ZMIZ1: variants seen among roughly 807,000 people sequenced by gnomAD.
The protein encoded by ZMIZ1 is zinc finger MIZ-type containing 1.
ZMIZ1 carries 17 observed loss-of-function variants against 113.9 expected under a neutral mutation model. That is an observed-to-expected ratio of 0.15 (90% CI 0.10 to 0.22). ZMIZ1 has a LOEUF of 0.22. ZMIZ1 is among the 10% of genes least tolerant of loss of function. ZMIZ1 has a pLI of 1.00. For missense variants in ZMIZ1, 1,059 were observed against 1,477.8 expected (o/e 0.72, Z 4.65); for synonymous variants, 607 against 603.1 (o/e 1.01, Z -0.09).
intron 7 of ZMIZ1, among the ~76,000 whole-genome samples, chr10:79,275,819 T>C (rs1589543048): frequency 1.3e-5 from 2 of 152,182 alleles, no homozygotes; most frequent in African/African-American, 4.8e-5. Context: ...TAGCTTTGCC[T>C]GACTGGGCCC....
At chr10:79,206,681 G>C (rs60640131) in intron 5 of ZMIZ1, among the ~76,000 whole-genome samples, 1,842 of 152,336 alleles carry the variant, frequency 0.012, 31 homozygotes, top group African/African-American at 0.042. Context: ...TTCCAGGAGA[G>C]CCTTTGGGAG....
intron 3 of ZMIZ1, among the ~76,000 whole-genome samples, chr10:79,141,313 C>T (rs1346552427): frequency 1.3e-5 from 2 of 152,226 alleles, no homozygotes; most frequent in South Asian, 2.1e-4. Context: ...GGCGCTTGTA[C>T]TCTCGTGAGG....
intron 7 of ZMIZ1, among the ~76,000 whole-genome samples, chr10:79,254,667 A>G (rs1449761917): frequency 6.6e-6 from 1 of 152,172 alleles, no homozygotes; most frequent in South Asian, 2.1e-4. Context: ...ATTCCATGCC[A>G]TGGGTCCCAT....
intron 1 of ZMIZ1, among the ~76,000 whole-genome samples, chr10:79,112,302 C>T (rs182649586): frequency 5.9e-5 from 9 of 152,260 alleles, no homozygotes; most frequent in East Asian, 1.9e-4. Flanking sequence ...ACGCTCTGCA[C>T]GGGTCCTGCA....
chr10:79,260,730 T>G (rs1851213860), intron 7 of ZMIZ1, among the ~76,000 whole-genome samples: 1 of 152,098 alleles, frequency 6.6e-6, no homozygotes, highest in Non-Finnish European at 1.5e-5. Context: ...GGAAACTGGG[T>G]TTGGAGGCTG....
At chr10:79,144,109 G>A (rs1385031540) in intron 3 of ZMIZ1, among the ~76,000 whole-genome samples, 1 of 152,106 alleles carries the variant, frequency 6.6e-6, no homozygotes, top group Non-Finnish European at 1.5e-5. Flanking sequence ...CCGGCGGAGG[G>A]GACGAGTAAT....
At chr10:79,096,652 T>C (rs1843180575) in intron 1 of ZMIZ1, among the ~76,000 whole-genome samples, 2 of 152,026 alleles carry the variant, frequency 1.3e-5, no homozygotes, top group African/African-American at 4.8e-5. Context: ...CTTGAGGGGT[T>C]GATAGAGACT....
At position 79,297,564 on chromosome 10, in the gene ZMIZ1, T is replaced by G. The variant is rs761620670; in HGVS notation, c.1414-49T>G. ...ACTGTCCAGAGGGAGAGCGGGCTTC[T>G]GATGGCTTTTCTGCCCCCCACTCAG... On this transcript the variant is annotated intron_variant, in intron 13 of 24. Transcript: ENST00000334512. The G allele has an allele frequency of 1.9e-6, 3 of 1,541,852 alleles. No homozygotes were observed. In the East Asian group the frequency reaches 6.7e-5, roughly 35 times the overall value.
intron 7 of ZMIZ1, among the ~76,000 whole-genome samples, chr10:79,224,282 C>G (rs186326141): frequency 6.6e-6 from 1 of 152,226 alleles, no homozygotes; most frequent in East Asian, 1.9e-4. Flanking sequence ...TTCTTTGTTT[C>G]CCACATTTTC....
chr10:79,298,986 C>T (rs1006316827), intron 15 of ZMIZ1, 64 bp from the exon 16 acceptor site: 33 of 1,546,940 alleles, frequency 2.1e-5, no homozygotes, highest in East Asian at 6.8e-5. Context: ...CAAGTCCCAC[C>T]TACAGCCCCA....
At chr10:79,240,382 T>C (rs1028223182) in intron 7 of ZMIZ1, among the ~76,000 whole-genome samples, 2 of 152,004 alleles carry the variant, frequency 1.3e-5, no homozygotes, top group Admixed American at 1.3e-4. Flanking sequence ...TCTTTGGAAG[T>C]TGGAGAAGTG....
intron 1 of ZMIZ1, among the ~76,000 whole-genome samples, chr10:79,114,506 C>CGTGTGTGTGTGCGT (rs1843922920): frequency 3.2e-5 from 3 of 93,248 alleles, no homozygotes; most frequent in South Asian, 8.2e-4. Context: ...TGTGTGTGTG[C>CGTGTGTGTGTGCGT]GTGTGTGTGT....
chr10:79,088,314 A>G (rs7909146), intron 1 of ZMIZ1, among the ~76,000 whole-genome samples: 19,535 of 152,090 alleles, frequency 0.13, 1,391 homozygotes, highest in South Asian at 0.2. Context: ...GCCAGGCCAC[A>G]AGGCTTCTTG....
At chr10:79,152,762 T>C (rs889919533) in intron 3 of ZMIZ1, among the ~76,000 whole-genome samples, 16 of 152,246 alleles carry the variant, frequency 1.1e-4, no homozygotes, top group African/African-American at 3.4e-4. Flanking sequence ...TCCTCATCTG[T>C]GAGATGGGGC....
chr10:79,164,032 G>GA (rs956963378), intron 4 of ZMIZ1, among the ~76,000 whole-genome samples: 20 of 145,346 alleles, frequency 1.4e-4, no homozygotes, highest in Middle Eastern at 3.5e-3. Flanking sequence ...CTTTGAAAAA[G>GA]AAAAAAAAAA....
chr10:79,208,559 TGAGAGAGCTG>T (rs1848423244), intron 6 of ZMIZ1, 110 bp downstream of exon 6: 1 of 906,290 alleles, frequency 1.1e-6, no homozygotes, highest in Admixed American at 2.3e-5. Context: ...GTGACACCAG[TGAGAGAGCTG>T]GGAAGACACT....
At chr10:79,197,611 T>TACACACACACACACACAC (rs71482719) in intron 4 of ZMIZ1, among the ~76,000 whole-genome samples, 20 of 90,072 alleles carry the variant, frequency 2.2e-4, no homozygotes, top group African/African-American at 6.7e-4. Flanking sequence ...CACACACACA[T>TACACACACACACACACAC]ACACACACAC....
chr10:79,120,265 G>A (rs888129219), intron 2 of ZMIZ1, among the ~76,000 whole-genome samples: 8 of 152,194 alleles, frequency 5.3e-5, no homozygotes, highest in African/African-American at 7.2e-5. Flanking sequence ...TAACACTTGC[G>A]TGCACTTGCA....
At chr10:79,297,466 T>TA (rs1240021678) in intron 13 of ZMIZ1, 147 bp from the exon 14 acceptor site, 4 of 702,348 alleles carry the variant, frequency 5.7e-6, no homozygotes, top group Non-Finnish European at 1.0e-5. Context: ...GGTGTAGCTG[T>TA]CCCGCCCTGC....
Sources: gnomAD v4.1 joint callset for allele counts (sites outside exome capture counted in the v4.1 genomes callset) on GRCh38, gnomAD v4.1.1 for gene constraint, MANE v1.5 for transcripts, NCBI Gene and HGNC (gene_info 2026-07-23, HGNC 2026-07-21) for gene names.